PTPN14: variants seen among roughly 807,000 people sequenced by gnomAD.
PTPN14 encodes protein tyrosine phosphatase non-receptor type 14.
In PTPN14, 53 loss-of-function variants were observed where a neutral mutation model predicts 126.8. The ratio of observed to expected loss-of-function variants is 0.42; its 90% CI spans 0.34 to 0.53. PTPN14 has a LOEUF of 0.53. PTPN14 is among the 20% of genes least tolerant of loss of function. PTPN14 has a pLI of 0.08. For missense variants in PTPN14, 1,257 were observed against 1,552.9 expected, an observed-to-expected ratio of 0.81 and a Z score of 3.20; for synonymous variants, 630 against 599.3, an observed-to-expected ratio of 1.05 and a Z score of -0.75.
intron 1 of PTPN14, among the ~76,000 whole-genome samples, chr1:214,466,661 T>C (rs1660645986): frequency 6.6e-6 from 1 of 152,108 alleles, no homozygotes; most frequent in South Asian, 2.1e-4. Flanking sequence ...AATGTTCTGT[T>C]CTCCATTAAG....
intron 2 of PTPN14, among the ~76,000 whole-genome samples, chr1:214,456,658 C>G (rs1660389916): frequency 6.6e-6 from 1 of 152,150 alleles, no homozygotes; most frequent in Admixed American, 6.5e-5. Flanking sequence ...AGAAAAACCA[C>G]TCTTCTGAGA....
At chr1:214,359,412 C>T (rs558401128) in intron 18 of PTPN14, among the ~76,000 whole-genome samples, 4 of 147,418 alleles carry the variant, frequency 2.7e-5, no homozygotes, top group African/African-American at 5.0e-5. Context: ...TTAGTAGAGA[C>T]GGGGTTTCAG....
chr1:214,498,825 A>C (rs893349723), intron 1 of PTPN14, among the ~76,000 whole-genome samples: 8 of 152,070 alleles, frequency 5.3e-5, no homozygotes, highest in African/African-American at 1.4e-4. Context: ...GTTCTGATTT[A>C]AGAGATAGGG....
rs1236630937 is a variant in PTPN14 at position 214,353,165 on chromosome 1, C to CGTAA, written c.*4756_*4757insTTAC. On this transcript the variant is annotated 3_prime_UTR_variant, in exon 19 of 19. Transcript: ENST00000366956. ...TCAGTAACGAAATAGTTGTCCTTTA[C>CGTAA]CAAAGGGGGCAATCAAGGACCCTCT... The CGTAA allele has an allele frequency of 6.6e-6, 1 of 152,112 alleles. No individual in the cohort carries two copies. Among genetic ancestry groups the CGTAA allele is most frequent in the East Asian group, 1.9e-4 (1 of 5,196 alleles). The allele number at this position is 152,112 out of a possible 1,614,324, so 9.4% of individuals were successfully genotyped here. A position where few individuals can be genotyped will look rare whatever the true frequency, so the allele number is the denominator to read the frequency against.
chr1:214,374,867 G>A (rs74772008), intron 15 of PTPN14, among the ~76,000 whole-genome samples: 2,631 of 152,278 alleles, frequency 0.017, 84 homozygotes, highest in African/African-American at 0.06. Context: ...GCCAAAAGAA[G>A]AAGATAATAT....
Position 214,419,874 on chromosome 1 carries a change from T to C in PTPN14, c.345-5148A>G, listed in dbSNP as rs4655343. ...GGACAGGGTGGCCCATGCTGTTCTC[T>C]GTCTGCCAGGACCAGATAAATACTA... On this transcript the variant is annotated intron_variant, in intron 3 of 18. Coordinates refer to ENST00000366956, the MANE Select transcript of PTPN14 (RefSeq NM_005401.5). Among the ~76,000 whole-genome samples the C allele has an allele frequency of 2.6e-3, 394 of 152,144 alleles. 1 individual carries two copies. The highest frequency in any genetic ancestry group is 4.2e-3 in the Non-Finnish European group (286 of 68,002).
At chr1:214,454,361 T>A (rs1239242039) in intron 2 of PTPN14, among the ~76,000 whole-genome samples, 4 of 152,210 alleles carry the variant, frequency 2.6e-5, no homozygotes, top group Non-Finnish European at 5.9e-5. Flanking sequence ...TGTTCTACAA[T>A]CGATTTTAAA....
chr1:214,497,306 C>T (rs770115659), intron 1 of PTPN14, among the ~76,000 whole-genome samples: 2 of 152,054 alleles, frequency 1.3e-5, no homozygotes, highest in Non-Finnish European at 2.9e-5. Context: ...TTCAACCTCA[C>T]CATCAGGAAA....
At chr1:214,405,442 C>A (rs762186972) in intron 5 of PTPN14, among the ~76,000 whole-genome samples, 8 of 152,118 alleles carry the variant, frequency 5.3e-5, no homozygotes, top group Non-Finnish European at 8.8e-5. Flanking sequence ...GCAATGACAG[C>A]TTATAAGGGC....
rs1657771415 is a variant in PTPN14, at chr1:214,354,492, C to G, written c.*3430G>C. ...CTATCTGTAAATGCTACCAGATACT[C>G]TTGCTAAAAGATGGTATATCCAGTA... On this transcript the variant is annotated 3_prime_UTR_variant, in exon 19 of 19. Transcript: ENST00000366956. The G allele has an allele frequency of 6.6e-6, 1 of 152,176 alleles. No individual in the cohort carries two copies. Among genetic ancestry groups the G allele is most frequent in the Non-Finnish European group, 1.5e-5 (1 of 68,036 alleles). 9.4% of individuals were successfully genotyped at this position (152,176 alleles called of 1,614,324 possible). A position where few individuals can be genotyped will look rare whatever the true frequency, so the allele number is the denominator to read the frequency against.
chr1:214,517,432 A>C (rs1320283679), intron 1 of PTPN14, among the ~76,000 whole-genome samples: 1 of 152,088 alleles, frequency 6.6e-6, no homozygotes, highest in East Asian at 1.9e-4. Flanking sequence ...TTGAATCTAA[A>C]GAAGCTTGAG....
intron 1 of PTPN14, chr1:214,532,781 C>T (rs1655587124): frequency 1.2e-6 from 1 of 842,050 alleles, no homozygotes; most frequent in African/African-American, 1.7e-5. Context: ...CAGCTGGAGA[C>T]AGAGATCGAG....
intron 1 of PTPN14, among the ~76,000 whole-genome samples, chr1:214,521,839 C>A (rs992315461): frequency 2.0e-5 from 3 of 151,342 alleles, no homozygotes; most frequent in African/African-American, 7.3e-5. Context: ...TGCAGCACAT[C>A]CCCCAGTTGT....
chr1:214,445,359 T>C (rs1179105955), intron 3 of PTPN14, among the ~76,000 whole-genome samples: 1 of 152,188 alleles, frequency 6.6e-6, no homozygotes, highest in Non-Finnish European at 1.5e-5. Flanking sequence ...ACAGCAGTAG[T>C]TGCACTCTGT....
intron 1 of PTPN14, among the ~76,000 whole-genome samples, chr1:214,477,468 T>G (rs1660893224): frequency 6.6e-6 from 1 of 152,164 alleles, no homozygotes; most frequent in Admixed American, 6.5e-5. Flanking sequence ...AAGTGGACAC[T>G]TGGAACAACT....
chr1:214,535,778 CAAAA>C (rs10689118), intron 1 of PTPN14, among the ~76,000 whole-genome samples: 1 of 130,434 alleles, frequency 7.7e-6, no homozygotes, highest in African/African-American at 2.7e-5. Context: ...GACTCCATCT[CAAAA>C]AAAAAAAAAA....
chr1:214,473,578 C>G (rs1427651926), intron 1 of PTPN14, among the ~76,000 whole-genome samples: 1 of 152,208 alleles, frequency 6.6e-6, no homozygotes, highest in Non-Finnish European at 1.5e-5. Context: ...CTCCCAAGGA[C>G]ATCTCACAGA....
chr1:214,503,354 A>G (rs17023098), intron 1 of PTPN14, among the ~76,000 whole-genome samples: 2,923 of 152,316 alleles, frequency 0.019, 99 homozygotes, highest in African/African-American at 0.067. Context: ...TAGATATGGC[A>G]TCTTTGACAC....
chr1:214,545,414 C>A (rs1655945513), intron 1 of PTPN14, among the ~76,000 whole-genome samples: 1 of 152,160 alleles, frequency 6.6e-6, no homozygotes, highest in Non-Finnish European at 1.5e-5. Context: ...CCCTTTATCA[C>A]AATCTACTCT....
Sources: gnomAD v4.1 joint callset for allele counts (sites outside exome capture counted in the v4.1 genomes callset) on GRCh38, gnomAD v4.1.1 for gene constraint, MANE v1.5 for transcripts, NCBI Gene and HGNC (gene_info 2026-07-23, HGNC 2026-07-21) for gene names.